Variants in KCNN2 observed in about 807,000 individuals in gnomAD.
KCNN2 encodes the protein small conductance calcium-activated potassium channel protein 2.
KCNN2 carries 24 observed loss-of-function variants against 55.5 expected under a neutral mutation model. The ratio of observed to expected loss-of-function variants is 0.43; its 90% CI spans 0.31 to 0.61. KCNN2 has a LOEUF of 0.61. Among genes scored for constraint, KCNN2 ranks in the 20% least tolerant of loss-of-function variants. KCNN2 has a pLI of 0.08. For synonymous variants in KCNN2, 431 were observed against 336.1 expected, an observed-to-expected ratio of 1.28 and a Z score of -3.09; for missense variants, 754 against 853.6, an observed-to-expected ratio of 0.88 and a Z score of 1.45.
At chr5:114,308,082 G>A (rs1393310140) in intron 2 of KCNN2, among the ~76,000 whole-genome samples, 2 of 152,092 alleles carry the variant, frequency 1.3e-5, no homozygotes, top group Non-Finnish European at 2.9e-5. Flanking sequence ...AAGAAACTAT[G>A]TTTTTCCTAT....
Position 114,190,879 on chromosome 5 carries a change from G to A in KCNN2, c.-270-30601G>A, listed in dbSNP as rs560089642. On this transcript the variant is annotated intron_variant, in intron 1 of 10. Coordinates refer to the KCNN2 transcript ENST00000512097. The stretch of plus-strand genomic sequence containing the variant: ...TTTATTAGATATTGATTGGGGAACG[G>A]TTATAGGTTAAGAAGCTGTAATTCT... Among the ~76,000 whole-genome samples, 3 of 152,226 alleles carry A rather than the reference G, an allele frequency of 2.0e-5. No individual in the cohort carries two copies. The South Asian group carries it at 6.2e-4, about 32-fold the overall frequency.
chr5:114,268,945 G>T (rs142296545), intron 2 of KCNN2, among the ~76,000 whole-genome samples: 2 of 151,784 alleles, frequency 1.3e-5, no homozygotes, highest in Non-Finnish European at 2.9e-5. Flanking sequence ...CTCGGGGGTG[G>T]GGGGGTTCTC....
In KCNN2 at chr5:114,272,404, T is replaced by C. The variant is rs372901211; in HGVS notation, c.-185+50839T>C. 2.2e-3 allele frequency among the ~76,000 whole-genome samples: 294 copies of C among 134,026 alleles called. 3 individuals are homozygous for C. Among genetic ancestry groups the C allele is most frequent in the Non-Finnish European group, 3.5e-3 (227 of 64,334 alleles). The allele number at this position is 134,026 out of a possible 152,430, so 87.9% of individuals were successfully genotyped here. On this transcript the variant is annotated intron_variant, in intron 2 of 10. Coordinates refer to the KCNN2 transcript ENST00000512097. ...GTACATATATACACACATATATGTA[T>C]GTACATATCTACACACATATGTACG... is the stretch of plus-strand genomic sequence containing the variant.
intron 2 of KCNN2, among the ~76,000 whole-genome samples, chr5:114,269,276 C>G (rs1442302364): frequency 6.6e-6 from 1 of 152,152 alleles, no homozygotes; most frequent in African/African-American, 2.4e-5. Flanking sequence ...AAGGCCTGCA[C>G]ATAACCACAT....
At chr5:114,263,890 C>A (rs1755159291) in intron 2 of KCNN2, among the ~76,000 whole-genome samples, 2 of 152,170 alleles carry the variant, frequency 1.3e-5, no homozygotes, top group African/African-American at 4.8e-5. Flanking sequence ...ATCATATGCA[C>A]AGCTCCATGC....
rs144629247 is a variant in KCNN2 at position 114,335,756 on chromosome 5, AAAAG to A, written c.-184-25181_-184-25178del. Among the ~76,000 whole-genome samples, 1,458 of 152,308 alleles carry A rather than the reference AAAAG, an allele frequency of 9.6e-3. 25 individuals carry two copies. The highest frequency in any genetic ancestry group is 0.033 in the African/African-American group (1,377 of 41,558). On this transcript the variant is annotated intron_variant, in intron 2 of 10. Coordinates refer to the KCNN2 transcript ENST00000512097. ...TGTTGCCAAAGTTTAGGGCTCAAGA[AAAAG>A]AAAGAAAAAAAGATATAGTAAGAGT...
intron 2 of KCNN2, among the ~76,000 whole-genome samples, chr5:114,400,053 T>A (rs1758739745): frequency 6.6e-6 from 1 of 151,934 alleles, no homozygotes; most frequent in Non-Finnish European, 1.5e-5. Flanking sequence ...TATTTATTCT[T>A]GCAAATAGCC....
chr5:114,087,169 A>G (rs1054722202), intron 1 of KCNN2, among the ~76,000 whole-genome samples: 2 of 151,584 alleles, frequency 1.3e-5, no homozygotes, highest in African/African-American at 4.9e-5. Flanking sequence ...TAGATTCTGG[A>G]TATTAGACCT....
At chr5:114,459,056 G>C (rs1011563850) in intron 3 of KCNN2, among the ~76,000 whole-genome samples, 7 of 152,198 alleles carry the variant, frequency 4.6e-5, no homozygotes, top group African/African-American at 1.7e-4. Flanking sequence ...ATAGAAAGCT[G>C]TCATATTTGT....
At chr5:114,456,098 A>G (rs928154141) in intron 3 of KCNN2, among the ~76,000 whole-genome samples, 4 of 152,186 alleles carry the variant, frequency 2.6e-5, no homozygotes, top group African/African-American at 9.6e-5. Context: ...ACAGGCTTCT[A>G]TTGGAAAAAT....
intron 1 of KCNN2, among the ~76,000 whole-genome samples, chr5:114,206,226 A>G (rs1580617840): frequency 6.6e-6 from 1 of 152,198 alleles, no homozygotes; most frequent in East Asian, 1.9e-4. Context: ...TAACCAAGCT[A>G]CCTGTTACTG....
In KCNN2 at chr5:114,349,570, T is replaced by C. The variant is rs190038489; in HGVS notation, c.-184-11375T>C. Among the ~76,000 whole-genome samples, 341 of 152,116 alleles carry C rather than the reference T, an allele frequency of 2.2e-3. 2 individuals carry two copies. Among genetic ancestry groups the C allele is most frequent in the African/African-American group, 7.9e-3 (330 of 41,528 alleles). ...GAAAATATTCCAAAATTCAAAAAAATAAAAAATCAGAAACACTCTGATCCC... is the reference window on the plus strand; with the variant it reads ...GAAAATATTCCAAAATTCAAAAAAACAAAAAATCAGAAACACTCTGATCCC... On this transcript the variant is annotated intron_variant, in intron 2 of 10. Transcript: ENST00000512097.
intron 1 of KCNN2, among the ~76,000 whole-genome samples, chr5:114,102,556 T>A (rs962859606): frequency 3.3e-5 from 5 of 152,292 alleles, no homozygotes; most frequent in Admixed American, 2.0e-4. Flanking sequence ...CTTCTACGAT[T>A]TTTATGGTTT....
intron 1 of KCNN2, among the ~76,000 whole-genome samples, chr5:114,212,543 T>C (rs1753909312): frequency 6.6e-6 from 1 of 152,078 alleles, no homozygotes; most frequent in Non-Finnish European, 1.5e-5. Context: ...TCAATAAAGC[T>C]GTTATAAAAA....
intron 2 of KCNN2, among the ~76,000 whole-genome samples, chr5:114,265,792 A>C (rs1053250846): frequency 4.6e-5 from 7 of 152,148 alleles, no homozygotes; most frequent in Non-Finnish European, 1.0e-4. Flanking sequence ...ATTAACCATC[A>C]CATGTGTTAT....
intron 3 of KCNN2, among the ~76,000 whole-genome samples, chr5:114,462,846 T>G (rs529985061): frequency 1.9e-4 from 29 of 152,336 alleles, no homozygotes; most frequent in South Asian, 1.4e-3. Context: ...CTCTTTCAGA[T>G]GATATATAAA....
At chr5:114,375,662 T>C (rs576553015) in intron 2 of KCNN2, among the ~76,000 whole-genome samples, 95 of 152,100 alleles carry the variant, frequency 6.2e-4, no homozygotes, top group Non-Finnish European at 1.1e-3. Context: ...TTGAAAAATA[T>C]TTTGAGTTAG....
At chr5:114,148,670 T>C (rs1475311743) in intron 1 of KCNN2, among the ~76,000 whole-genome samples, 1 of 152,102 alleles carries the variant, frequency 6.6e-6, no homozygotes, top group Non-Finnish European at 1.5e-5. Flanking sequence ...TTCAGATGAA[T>C]GCCACATGTC....
intron 2 of KCNN2, among the ~76,000 whole-genome samples, chr5:114,234,031 T>TC (rs1257850466): frequency 3.3e-5 from 5 of 152,070 alleles, no homozygotes. Flanking sequence ...TCTAGCTTTT[T>TC]TTTTTTGGTT....
Sources: allele counts gnomAD v4.1 joint callset (sites outside exome capture counted in the v4.1 genomes callset), GRCh38; gene constraint gnomAD v4.1.1; transcripts MANE v1.5; gene names NCBI Gene and HGNC (gene_info 2026-07-23, HGNC 2026-07-21).